The following SCIN variants were observed in gnomAD, a reference collection of about 807,000 sequenced individuals.
The protein encoded by SCIN is scinderin.
SCIN carries 91 observed loss-of-function variants against 91.8 expected under a neutral mutation model. That is an observed-to-expected ratio of 0.99 (90% CI 0.84 to 1.18). SCIN has a LOEUF of 1.18. SCIN is among the 50% of genes most tolerant of loss of function. SCIN has a pLI of 0.00. For synonymous variants in SCIN, 367 were observed against 312.6 expected, an observed-to-expected ratio of 1.17 and a Z score of -1.84; for missense variants, 1,087 against 863.9, an observed-to-expected ratio of 1.26 and a Z score of -3.24.
chr7:12,588,812 G>T lies in SCIN; in HGVS notation c.516+7591G>T, dbSNP rs1326722955. ...GTAAGGGACAGCTGCATTGGGTGGG[G>T]GGGGGGGGGTGCGGGGGCGGGTGGG... is the stretch of plus-strand genomic sequence containing the variant. On this transcript the variant is annotated intron_variant, in intron 3 of 15. Coordinates refer to ENST00000297029, the MANE Select transcript of SCIN (RefSeq NM_001112706.3). The T allele has an allele frequency of 3.8e-5, 3 of 78,430 alleles. 1 individual carries two copies. The highest frequency in any genetic ancestry group is 1.1e-3 in the South Asian group (2 of 1,892). 4.9% of individuals were successfully genotyped at this position (78,430 alleles called of 1,614,324 possible). A position where few individuals can be genotyped will look rare whatever the true frequency, so the allele number is the denominator to read the frequency against.
chr7:12,627,910 T>C (rs1479414623), intron 8 of SCIN, among the ~76,000 whole-genome samples: 1 of 152,138 alleles, frequency 6.6e-6, no homozygotes, highest in Non-Finnish European at 1.5e-5. Flanking sequence ...TTCTGCTCAC[T>C]AGGATAGTAT....
intron 3 of SCIN, among the ~76,000 whole-genome samples, chr7:12,598,907 C>G (rs918211679): frequency 1.4e-5 from 2 of 142,356 alleles, no homozygotes; most frequent in African/African-American, 5.2e-5. Flanking sequence ...GACTCTGTCT[C>G]AAAAAAAAAG....
At position 12,657,334 on chromosome 7, in the gene SCIN, AGTCTCCCCAGGAGCTGGGACTCTAG is replaced by A. The variant is rs1260240134; in HGVS notation, c.*4622_*4646del. ...TGGGTTCAAGCAATCCTCCCACCTCAGTCTCCCCAGGAGCTGGGACTCTAGGTGCGTGCCACCACGCCCAGCTAAT... is the reference window on the plus strand; with the variant it reads ...TGGGTTCAAGCAATCCTCCCACCTCAGTGCGTGCCACCACGCCCAGCTAAT... On this transcript the variant is annotated 3_prime_UTR_variant, in exon 16 of 16. Coordinates refer to ENST00000297029, the MANE Select transcript of SCIN (RefSeq NM_001112706.3). The A allele has an allele frequency of 7.0e-6, 1 of 143,666 alleles. No individual in the cohort carries two copies. Among genetic ancestry groups the A allele is most frequent in the African/African-American group, 2.6e-5 (1 of 38,840 alleles). 8.9% of individuals were successfully genotyped at this position (143,666 alleles called of 1,614,324 possible).
At position 12,629,087 on chromosome 7, in the gene SCIN, TC is replaced by T; in HGVS notation, c.1198-12del. The T allele has an allele frequency of 1.2e-6, 2 of 1,606,456 alleles. No individual in the cohort carries two copies. The highest frequency in any genetic ancestry group is 1.7e-6 in the Non-Finnish European group (2 of 1,175,906). On this transcript the variant is annotated splice_polypyrimidine_tract_variant and intron_variant, in intron 8 of 15. Coordinates refer to ENST00000297029, the MANE Select transcript of SCIN (RefSeq NM_001112706.3). ...GAAAATTGTAATTTGTTGTATATAT[TC>T]CATTCCTTCCAGATTTGGCGTGTAG...
intron 3 of SCIN, among the ~76,000 whole-genome samples, chr7:12,595,084 C>T (rs777346471): frequency 2.0e-5 from 3 of 151,912 alleles, no homozygotes; most frequent in Non-Finnish European, 2.9e-5. Flanking sequence ...AGAGCCTATC[C>T]CCTTCCTGGG....
At chr7:12,650,860 C>T (rs1028161534) in intron 14 of SCIN, among the ~76,000 whole-genome samples, 11 of 152,152 alleles carry the variant, frequency 7.2e-5, no homozygotes, top group Admixed American at 7.2e-4. Flanking sequence ...TCAAAGGTTC[C>T]TAGAGGGAGT....
chr7:12,641,920 T>C (rs903147424), intron 11 of SCIN, among the ~76,000 whole-genome samples: 3 of 152,110 alleles, frequency 2.0e-5, no homozygotes, highest in African/African-American at 7.2e-5. Flanking sequence ...CCCTGCAACT[T>C]TATCAATTTG....
At position 12,643,276 on chromosome 7, in the gene SCIN, A is replaced by G. The variant is rs547861768; in HGVS notation, c.1582-862A>G. 2.6e-4 allele frequency among the ~76,000 whole-genome samples: 39 copies of G among 152,288 alleles called. No individual in the cohort carries two copies. In the East Asian group the frequency reaches 4.1e-3, roughly 16 times the overall value. ...TCATCTCCCGGCAGGCTAAGGCTTT[A>G]TAAAGATTCTGTTTTAGATCTCATT... On this transcript the variant is annotated intron_variant, in intron 11 of 15. Transcript: ENST00000297029.
chr7:12,577,580 G>A (rs1165293304), intron 1 of SCIN: 1 of 456,434 alleles, frequency 2.2e-6, no homozygotes, highest in South Asian at 1.5e-5. Flanking sequence ...GCCGGGCATG[G>A]TGGCTCATAC....
rs183173393 is a variant in SCIN at position 12,576,278 on chromosome 7, G to A, written c.200-1786G>A. Among the ~76,000 whole-genome samples, 9 of 152,098 alleles carry A rather than the reference G, an allele frequency of 5.9e-5. No homozygotes were observed. In the East Asian group the frequency reaches 7.7e-4, roughly 13 times the overall value. ...AGTCCTTTCAGATTGCAAAATTGCC[G>A]GTGTGTCAAATACTTAACTTTGACC... On this transcript the variant is annotated intron_variant, in intron 1 of 15. Coordinates refer to ENST00000297029, the MANE Select transcript of SCIN (RefSeq NM_001112706.3).
chr7:12,636,011 G>C, intron 9 of SCIN, 34 bp from the exon 10 acceptor site: 1 of 1,535,470 alleles, frequency 6.5e-7, no homozygotes, highest in Non-Finnish European at 9.0e-7. Flanking sequence ...AAAACTTAAA[G>C]GCAAGCTAAT....
rs532322585 is a variant in SCIN, at chr7:12,591,884, GA to G, written c.516+10664del. ...GATGGAGAGTTGGGCCTTGGAGGGGGAGACCCTATACCCTTTGATAGCGAGA... is the reference window on the plus strand; with the variant it reads ...GATGGAGAGTTGGGCCTTGGAGGGGGGACCCTATACCCTTTGATAGCGAGA... On this transcript the variant is annotated intron_variant, in intron 3 of 15. Transcript: ENST00000297029. Among the ~76,000 whole-genome samples, 79 of 152,262 alleles carry G rather than the reference GA, an allele frequency of 5.2e-4. 1 individual carries two copies. The highest frequency in any genetic ancestry group is 1.9e-3 in the African/African-American group (77 of 41,550).
intron 5 of SCIN, among the ~76,000 whole-genome samples, chr7:12,624,741 A>G (rs1783476784): frequency 3.3e-5 from 5 of 152,192 alleles, no homozygotes; most frequent in Admixed American, 2.6e-4. Context: ...CAGTGTCAAA[A>G]CTTAACTTTT....
chr7:12,626,855 A>T, intron 8 of SCIN, 56 bp downstream of exon 8: 245 of 1,267,658 alleles, frequency 1.9e-4, no homozygotes, highest in Non-Finnish European at 2.6e-4. Flanking sequence ...ATGTAGGGGG[A>T]GGGTGGGGGA....
intron 7 of SCIN, 133 bp downstream of exon 7, chr7:12,625,983 T>A: frequency 1.7e-6 from 1 of 600,704 alleles, no homozygotes; most frequent in Non-Finnish European, 2.9e-6. Context: ...GCCTGTCTGC[T>A]GCAATCTGGT....
intron 13 of SCIN, 135 bp from the exon 14 acceptor site, chr7:12,649,332 C>T (rs949904321): frequency 2.4e-5 from 12 of 495,856 alleles, no homozygotes; most frequent in South Asian, 8.4e-5. Flanking sequence ...ATTTTTATTA[C>T]GTGAAAAAGA....
intron 9 of SCIN, 85 bp downstream of exon 9, chr7:12,629,307 A>T (rs746287125): frequency 1.8e-5 from 23 of 1,256,710 alleles, no homozygotes; most frequent in Non-Finnish European, 2.5e-5. Context: ...TATGGGGTAG[A>T]ATAATCCTAT....
rs1784079106 is a variant in SCIN at position 12,651,548 on chromosome 7, T to C, written c.1960-293T>C. ...AAAAAAAAAGTCCACCCAGACAATCTGTTTTTTTTTGTGAAAGATCACTTT... is the reference window on the plus strand; with the variant it reads ...AAAAAAAAAGTCCACCCAGACAATCCGTTTTTTTTTGTGAAAGATCACTTT... On this transcript the variant is annotated intron_variant, in intron 14 of 15. Transcript: ENST00000297029. The surrounding 1 kb of genome is among the most constrained non-coding windows in gnomAD (Gnocchi z 5.9). Among the ~76,000 whole-genome samples, 1 of 145,634 alleles carries C rather than the reference T, an allele frequency of 6.9e-6. No homozygotes were observed. The highest frequency in any genetic ancestry group is 1.5e-5 in the Non-Finnish European group (1 of 65,686).
intron 8 of SCIN, among the ~76,000 whole-genome samples, chr7:12,627,372 C>G (rs1231230495): frequency 6.6e-6 from 1 of 152,090 alleles, no homozygotes; most frequent in Non-Finnish European, 1.5e-5. Flanking sequence ...CATACCTTTT[C>G]TGAGAAGGCT....
Sources: allele counts gnomAD v4.1 joint callset (sites outside exome capture counted in the v4.1 genomes callset), GRCh38; gene constraint gnomAD v4.1.1; non-coding constraint Gnocchi (gnomAD v3.1); transcripts MANE v1.5; gene names NCBI Gene and HGNC (gene_info 2026-07-23, HGNC 2026-07-21).